The following SP140 variants were observed in gnomAD, a reference collection of about 807,000 sequenced individuals.
SP140 encodes SP140 nuclear body protein, also known as nuclear body protein SP140.
SP140 carries 81 observed loss-of-function variants against 125.0 expected under a neutral mutation model. That is an observed-to-expected ratio of 0.65 (90% CI 0.54 to 0.78). SP140 has a LOEUF of 0.78. SP140 is among the 30% of genes least tolerant of loss of function. The pLI, the probability that SP140 is intolerant of heterozygous loss-of-function variation, is 0.00. For missense variants in SP140, 858 were observed against 1,037.0 expected, an observed-to-expected ratio of 0.83 and a Z score of 2.37; for synonymous variants, 312 against 354.0, an observed-to-expected ratio of 0.88 and a Z score of 1.33.
intron 3 of SP140, chr2:230,215,071 C>T (rs2044954729): frequency 6.2e-7 from 1 of 1,613,708 alleles, no homozygotes; most frequent in African/African-American, 1.3e-5. Flanking sequence ...GAATGTTGTG[C>T]ACCACTCTGG....
At chr2:230,197,351 G>A in the SP140 span, among the ~76,000 whole-genome samples, 1 of 151,408 alleles carries the variant, frequency 6.6e-6, no homozygotes, top group Non-Finnish European at 1.5e-5. Context: ...CTTTTGAGAA[G>A]TGTCTGTTCA....
intron 20 of SP140, among the ~76,000 whole-genome samples, chr2:230,293,983 G>A (rs1330994341): frequency 6.6e-6 from 1 of 152,170 alleles, no homozygotes; most frequent in African/African-American, 2.4e-5. Context: ...TGGTGGGACT[G>A]GAAGAGAGGT....
At chr2:230,234,712 A>C (rs1453551376) in intron 1 of SP140, among the ~76,000 whole-genome samples, 1 of 152,024 alleles carries the variant, frequency 6.6e-6, no homozygotes, top group East Asian at 1.9e-4. Flanking sequence ...TCTTATAAAA[A>C]TTTTCATTCA....
rs775071962 is a variant in SP140, at chr2:230,241,396, T to A, written c.407-8T>A. On this transcript the variant is annotated splice_polypyrimidine_tract_variant and splice_region_variant and intron_variant, in intron 3 of 26. Coordinates refer to ENST00000392045, the MANE Select transcript of SP140 (RefSeq NM_007237.5). ...TGAGTTTGGTAATTTTCACATTGTT[T>A]TCCTCAGTATGCTATGAACACTCAC... The A allele has an allele frequency of 2.6e-6, 4 of 1,559,076 alleles. No homozygotes were observed. Among genetic ancestry groups the A allele is most frequent in the Non-Finnish European group, 3.5e-6 (4 of 1,130,084 alleles).
chr2:230,197,058 G>A, the SP140 span, among the ~76,000 whole-genome samples: 12 of 151,196 alleles, frequency 7.9e-5, no homozygotes, highest in East Asian at 7.8e-4. Context: ...GTATATACCC[G>A]GTAATGGGAT....
chr2:230,314,727 T>C (rs569076943), downstream of SP140, among the ~76,000 whole-genome samples: 11 of 152,364 alleles, frequency 7.2e-5, no homozygotes, highest in African/African-American at 2.6e-4. Context: ...ATCAGGTGAC[T>C]GAGTTCCTCC....
At position 230,312,954 on chromosome 2, in the gene SP140, C is replaced by T. The variant is rs555350558; in HGVS notation, c.*270C>T. Reference sequence around the variant, plus strand: ...GACACCATCCCATACAGGCTCTTACCTCTTCTCCTGAGGGCTGCTCCAGAC... The same window carrying T: ...GACACCATCCCATACAGGCTCTTACTTCTTCTCCTGAGGGCTGCTCCAGAC... On this transcript the variant is annotated 3_prime_UTR_variant, in exon 27 of 27. Coordinates refer to ENST00000392045, the MANE Select transcript of SP140 (RefSeq NM_007237.5). The T allele has an allele frequency of 1.7e-5, 6 of 344,738 alleles. No individual in the cohort carries two copies. The highest frequency in any genetic ancestry group is 2.7e-5 in the Non-Finnish European group (5 of 187,100). The allele number at this position is 344,738 out of a possible 1,614,324, so 21.4% of individuals were successfully genotyped here.
intron 12 of SP140, among the ~76,000 whole-genome samples, chr2:230,268,027 T>G (rs1164224726): frequency 6.6e-6 from 1 of 152,128 alleles, no homozygotes; most frequent in African/African-American, 2.4e-5. Context: ...GCTGTTTGCT[T>G]TGGATCACTG....
intron 12 of SP140, among the ~76,000 whole-genome samples, chr2:230,265,415 C>T (rs1469066012): frequency 6.6e-6 from 1 of 152,190 alleles, no homozygotes; most frequent in African/African-American, 2.4e-5. Flanking sequence ...TTCTTCCCCA[C>T]CTGTGGAGTC....
At chr2:230,232,107 G>A (rs1171461990) in intron 1 of SP140, among the ~76,000 whole-genome samples, 2 of 152,204 alleles carry the variant, frequency 1.3e-5, no homozygotes, top group African/African-American at 4.8e-5. Context: ...TCCCTGGAGA[G>A]CAGGCCCTTG....
intron 22 of SP140, 69 bp from the exon 23 acceptor site, chr2:230,309,855 G>A (rs1199841289): frequency 6.5e-7 from 1 of 1,540,578 alleles, no homozygotes; most frequent in African/African-American, 1.4e-5. Flanking sequence ...GTGTGTTCTA[G>A]TTGCCCAGAG....
chr2:230,262,086 T>C (rs2052366852), intron 12 of SP140, among the ~76,000 whole-genome samples: 1 of 152,140 alleles, frequency 6.6e-6, no homozygotes, highest in African/African-American at 2.4e-5. Context: ...ATCCTGAACT[T>C]TTTTTTGTTG....
intron 1 of SP140, among the ~76,000 whole-genome samples, chr2:230,228,164 C>T (rs2046730378): frequency 6.6e-6 from 1 of 152,080 alleles, no homozygotes; most frequent in African/African-American, 2.4e-5. Flanking sequence ...TTATTTGACC[C>T]TAGAACTCTT....
intron 18 of SP140, among the ~76,000 whole-genome samples, chr2:230,288,975 A>G (rs1400745457): frequency 1.3e-5 from 2 of 152,202 alleles, no homozygotes; most frequent in Admixed American, 6.5e-5. Flanking sequence ...TCCTTTGGGT[A>G]TATATCCAGT....
chr2:230,247,954 T>C lies in SP140; in HGVS notation c.781T>C (p.Tyr261His), dbSNP rs2049746417. 1.2e-6 allele frequency: 2 copies of C among 1,613,602 alleles called. No homozygotes were observed. Among genetic ancestry groups the C allele is most frequent in the Admixed American group, 1.7e-5 (1 of 59,978 alleles). Reference sequence around the variant, plus strand: ...CGGGATGATAGATGCGGCAAGGACATACAGCACAGCACCAGGGGAGAAACA... The same window carrying C: ...CGGGATGATAGATGCGGCAAGGACACACAGCACAGCACCAGGGGAGAAACA... ...SNGMIDAART[Y>H]STAPGEKQGE... The change falls in exon 8 of 27, where the codon TAC becomes CAC. Residue 261 changes from tyrosine (Y) to histidine (H), a missense_variant. By Grantham distance (83) the Tyr-to-His change is moderately conservative (BLOSUM62 2). Coordinates refer to ENST00000392045, the MANE Select transcript of SP140 (RefSeq NM_007237.5).
rs925300192 is a variant in SP140 at position 230,244,970 on chromosome 2, T to G, written c.572-18T>G. 1 of 1,584,244 alleles carries G rather than the reference T, an allele frequency of 6.3e-7. No individual in the cohort carries two copies. Among genetic ancestry groups the G allele is most frequent in the Non-Finnish European group, 8.7e-7 (1 of 1,154,798 alleles). ...CCTGAGGTCTGTGCTCTCATCACTG[T>G]GCCTTGTTTATTTCCAGGTTTCTCT... is the stretch of plus-strand genomic sequence containing the variant. On this transcript the variant is annotated intron_variant, in intron 5 of 26. Coordinates refer to ENST00000392045, the MANE Select transcript of SP140 (RefSeq NM_007237.5).
chr2:230,248,842 C>A (rs572504532), intron 8 of SP140, 43 bp from the exon 9 acceptor site: 2 of 1,517,900 alleles, frequency 1.3e-6, no homozygotes, highest in African/African-American at 1.4e-5. Flanking sequence ...GGCCTGTGTC[C>A]AAGTCACCCT....
At chr2:230,266,653 C>G (rs781641982) in intron 12 of SP140, among the ~76,000 whole-genome samples, 18 of 152,188 alleles carry the variant, frequency 1.2e-4, no homozygotes, top group Non-Finnish European at 2.6e-4. Flanking sequence ...ATCTTGCAAT[C>G]GAGCTCACCC....
intron 12 of SP140, among the ~76,000 whole-genome samples, chr2:230,262,071 G>A (rs1005724878): frequency 6.6e-6 from 1 of 152,096 alleles, no homozygotes; most frequent in Non-Finnish European, 1.5e-5. Flanking sequence ...CTGTGAATCC[G>A]TCTGATCCTG....
Sources: gnomAD v4.1 joint callset for allele counts (sites outside exome capture counted in the v4.1 genomes callset) on GRCh38, gnomAD v4.1.1 for gene constraint, MANE v1.5 for transcripts, NCBI Gene and HGNC (gene_info 2026-07-23, HGNC 2026-07-21) for gene names.